PI15: variants seen among roughly 807,000 people sequenced by gnomAD.
PI15 encodes peptidase inhibitor 15.
Under a neutral mutation model 31.0 loss-of-function variants are expected in PI15, and 18 were observed. That is an observed-to-expected ratio of 0.58 (90% CI 0.40 to 0.86). The LOEUF (loss-of-function observed/expected upper bound fraction) is 0.86. Among genes scored for constraint, PI15 ranks in the 40% least tolerant of loss-of-function variants. PI15 has a pLI of 0.00. For missense variants in PI15, 282 were observed against 328.1 expected, an observed-to-expected ratio of 0.86 and a Z score of 1.09; for synonymous variants, 118 against 119.1, an observed-to-expected ratio of 0.99 and a Z score of 0.06.
rs1811083024 is a variant in PI15, at chr8:74,849,946, T to C, written c.*693T>C. The C allele has an allele frequency of 6.6e-6, 1 of 152,230 alleles. No homozygotes were observed. The highest frequency in any genetic ancestry group is 2.4e-5 in the African/African-American group (1 of 41,460). The allele number at this position is 152,230 out of a possible 1,614,324, so 9.4% of individuals were successfully genotyped here. On this transcript the variant is annotated 3_prime_UTR_variant, in exon 6 of 6. Transcript: ENST00000260113. ...CTTCCGCTTAGTCTCATTTTATTCA[T>C]TCAGTCGTCATGAGTTGAGTGCTTA...
rs562752217 is a variant in PI15, at chr8:74,851,547, T to A, written c.*2294T>A. The A allele has an allele frequency of 3.5e-4, 53 of 152,164 alleles. No homozygotes were observed. The highest frequency in any genetic ancestry group is 1.3e-3 in the African/African-American group (52 of 41,572). The allele number at this position is 152,164 out of a possible 1,614,324, so 9.4% of individuals were successfully genotyped here. On this transcript the variant is annotated 3_prime_UTR_variant, in exon 6 of 6. Coordinates refer to ENST00000260113, the MANE Select transcript of PI15 (RefSeq NM_015886.5). ...ATCATTAATAATATAAAACACTTAT[T>A]TGAGATTAAATTAAATTTTTCATGA...
At chr8:74,831,940 A>G (rs973332576) in intron 2 of PI15, among the ~76,000 whole-genome samples, 1 of 151,966 alleles carries the variant, frequency 6.6e-6, no homozygotes, top group East Asian at 1.9e-4. Flanking sequence ...AAGTTGAGGA[A>G]GGCACCCAGA....
chr8:74,825,629 G>A (rs1810688011), intron 2 of PI15, 107 bp downstream of exon 2: 1 of 874,602 alleles, frequency 1.1e-6, no homozygotes, highest in Non-Finnish European at 1.7e-6. Flanking sequence ...CCGGGTATAT[G>A]GACTTTTTAC....
At chr8:74,834,664 T>TGAAC in intron 2 of PI15, among the ~76,000 whole-genome samples, 1 of 152,320 alleles carries the variant, frequency 6.6e-6, no homozygotes, top group East Asian at 1.9e-4. Context: ...TATGCACGCA[T>TGAAC]GAACAGTGAC....
intron 2 of PI15, among the ~76,000 whole-genome samples, chr8:74,835,455 A>T (rs979449882): frequency 3.9e-5 from 6 of 152,198 alleles, no homozygotes; most frequent in Non-Finnish European, 8.8e-5. Context: ...GTGCTTTAAG[A>T]TCATGGTTCA....
chr8:74,832,691 T>C (rs1810804021), intron 2 of PI15, among the ~76,000 whole-genome samples: 2 of 152,134 alleles, frequency 1.3e-5, no homozygotes, highest in South Asian at 2.1e-4. Context: ...GAAAGATGTT[T>C]GGCATAAAAT....
intron 2 of PI15, among the ~76,000 whole-genome samples, chr8:74,828,322 G>C (rs993060776): frequency 6.6e-6 from 1 of 152,102 alleles, no homozygotes; most frequent in African/African-American, 2.4e-5. Context: ...AGGTCTGGAG[G>C]TGGGAGAATA....
chr8:74,836,065 A>C (rs1370467116), intron 2 of PI15, among the ~76,000 whole-genome samples: 1 of 152,212 alleles, frequency 6.6e-6, no homozygotes, highest in Admixed American at 6.5e-5. Flanking sequence ...CTCACTGAGC[A>C]GATATAGACT....
Position 74,853,861 on chromosome 8 carries a change from T to A in PI15, c.*4608T>A, listed in dbSNP as rs911662377. On this transcript the variant is annotated 3_prime_UTR_variant, in exon 6 of 6. Coordinates refer to ENST00000260113, the MANE Select transcript of PI15 (RefSeq NM_015886.5). ...CTTTTTTTTTTCTGAATTAATTAGG[T>A]ATTGGTAAAATATATTTTTAAATTT... The A allele has an allele frequency of 6.6e-6, 1 of 151,892 alleles. No individual in the cohort carries two copies. The highest frequency in any genetic ancestry group is 2.4e-5 in the African/African-American group (1 of 41,378). The allele number at this position is 151,892 out of a possible 1,614,324, so 9.4% of individuals were successfully genotyped here.
At chr8:74,830,765 AG>A (rs1256923112) in intron 2 of PI15, among the ~76,000 whole-genome samples, 1 of 152,072 alleles carries the variant, frequency 6.6e-6, no homozygotes, top group African/African-American at 2.4e-5. Flanking sequence ...TCATTTGGGA[AG>A]GATAACTCAA....
At chr8:74,830,852 A>G (rs1163283247) in intron 2 of PI15, among the ~76,000 whole-genome samples, 1 of 152,162 alleles carries the variant, frequency 6.6e-6, no homozygotes. Context: ...TGACCACTAG[A>G]AGGCCTCCTG....
At chr8:74,834,257 T>TA (rs1386854682) in intron 2 of PI15, among the ~76,000 whole-genome samples, 3 of 152,162 alleles carry the variant, frequency 2.0e-5, no homozygotes, top group African/African-American at 7.2e-5. Flanking sequence ...AGAATTTCCC[T>TA]ACATGGATTT....
intron 2 of PI15, among the ~76,000 whole-genome samples, chr8:74,830,011 G>A (rs566714958): frequency 3.5e-4 from 54 of 152,254 alleles, no homozygotes; most frequent in African/African-American, 1.3e-3. Context: ...AGAAGGATTA[G>A]GGATGCGTTT....
At chr8:74,824,723 A>G (rs1810666285) in intron 1 of PI15, 48 bp downstream of exon 1, 2 of 156,058 alleles carry the variant, frequency 1.3e-5, no homozygotes. Flanking sequence ...TTGATTTTAA[A>G]GTAGCTCACA....
intron 2 of PI15, among the ~76,000 whole-genome samples, chr8:74,841,606 C>T (rs927420299): frequency 1.3e-4 from 20 of 152,200 alleles, no homozygotes; most frequent in African/African-American, 4.8e-5. Context: ...AGAATGCATA[C>T]ATGTACTTTT....
At chr8:74,841,288 A>G (rs759579372) in intron 2 of PI15, among the ~76,000 whole-genome samples, 113 of 152,186 alleles carry the variant, frequency 7.4e-4, no homozygotes, top group Non-Finnish European at 1.1e-3. Context: ...TCCCAGGCCA[A>G]TAGAACACAG....
chr8:74,830,465 G>A (rs1420940554), intron 2 of PI15, among the ~76,000 whole-genome samples: 1 of 152,060 alleles, frequency 6.6e-6, no homozygotes, highest in Admixed American at 6.6e-5. Flanking sequence ...AGGTAGTAAA[G>A]TTACAGAAAG....
intron 2 of PI15, among the ~76,000 whole-genome samples, chr8:74,838,637 GC>G (rs1810903404): frequency 6.6e-6 from 1 of 151,756 alleles, no homozygotes. Context: ...TCAATGTTTA[GC>G]TCCCACTTAT....
At chr8:74,830,264 G>C (rs1010058623) in intron 2 of PI15, among the ~76,000 whole-genome samples, 18 of 151,396 alleles carry the variant, frequency 1.2e-4, no homozygotes, top group Non-Finnish European at 2.7e-4. Context: ...TATAATGAAG[G>C]AAATGAACTG....
Sources: allele counts gnomAD v4.1 joint callset (sites outside exome capture counted in the v4.1 genomes callset), GRCh38; gene constraint gnomAD v4.1.1; transcripts MANE v1.5; gene names NCBI Gene and HGNC (gene_info 2026-07-23, HGNC 2026-07-21).